Variants in STON2 observed in about 807,000 individuals in gnomAD.
The protein encoded by STON2 is stonin-2.
A neutral mutation model predicts 65.7 loss-of-function variants in STON2; 29 were observed. The observed-to-expected ratio is 0.44, with a 90% CI of 0.33 to 0.60. The LOEUF (loss-of-function observed/expected upper bound fraction) is 0.60, where lower values mean the gene tolerates loss of function less well. Among genes scored for constraint, STON2 ranks in the 20% least tolerant of loss-of-function variants. The probability of loss-of-function intolerance (pLI) is 0.03; values close to 1 mark genes in which losing one functional copy is unlikely to be tolerated. For missense variants in STON2, 1,054 were observed against 1,118.1 expected (o/e 0.94, Z 0.82); for synonymous variants, 404 against 414.2 (o/e 0.98, Z 0.30).
intron 5 of STON2, among the ~76,000 whole-genome samples, chr14:81,306,165 CTCTATA>C (rs61212486): frequency 0.021 from 3,052 of 144,916 alleles, 114 homozygotes; most frequent in African/African-American, 0.072. Flanking sequence ...CTCTCTCTCT[CTCTATA>C]TATATATATA....
At chr14:81,283,166 A>G (rs750054060) in intron 5 of STON2, among the ~76,000 whole-genome samples, 1 of 152,198 alleles carries the variant, frequency 6.6e-6, no homozygotes, top group Admixed American at 6.5e-5. Context: ...GATGCAAACT[A>G]AAGAGAAGTG....
At chr14:81,368,961 G>A (rs11844267) in intron 4 of STON2, among the ~76,000 whole-genome samples, 4,769 of 152,166 alleles carry the variant, frequency 0.031, 236 homozygotes, top group African/African-American at 0.1. Context: ...TATCTGCTCT[G>A]GCGACTGACC....
intron 4 of STON2, among the ~76,000 whole-genome samples, chr14:81,360,160 C>T (rs1470928914): frequency 2.6e-5 from 4 of 152,174 alleles, no homozygotes; most frequent in Admixed American, 2.0e-4. Flanking sequence ...AAAGACAAAA[C>T]ATTTCCAAAC....
chr14:81,306,636 AC>A (rs1018193206), intron 5 of STON2: 1 of 152,124 alleles, frequency 6.6e-6, no homozygotes, highest in African/African-American at 2.4e-5. Flanking sequence ...TTTCACCTTC[AC>A]GGATTTCAGT....
intron 3 of STON2, among the ~76,000 whole-genome samples, chr14:81,389,146 G>T (rs1211031267): frequency 1.3e-5 from 2 of 152,164 alleles, no homozygotes; most frequent in African/African-American, 4.8e-5. Flanking sequence ...GAGTAAAATG[G>T]GAAGAAATTA....
chr14:81,339,964 C>T (rs1049868140), intron 4 of STON2, among the ~76,000 whole-genome samples: 2 of 151,956 alleles, frequency 1.3e-5, no homozygotes, highest in South Asian at 2.1e-4. Flanking sequence ...ACCATCCTGG[C>T]TAACACGATG....
chr14:81,377,500 G>A (rs557131517), intron 3 of STON2, among the ~76,000 whole-genome samples: 11 of 152,256 alleles, frequency 7.2e-5, no homozygotes, highest in East Asian at 1.9e-4. Flanking sequence ...TTGTATGAAC[G>A]TAAGTTTCCA....
chr14:81,371,054 T>C lies in STON2; in HGVS notation c.505A>G (p.Thr169Ala), dbSNP rs780221217. 8.1e-6 allele frequency: 13 copies of C among 1,613,824 alleles called. No homozygotes were observed. The highest frequency in any genetic ancestry group is 1.1e-5 in the South Asian group (1 of 91,074). The change falls in exon 4 of 8, where the codon ACA (threonine) becomes GCA (alanine). Residue 169 changes from threonine to alanine, a missense_variant. By Grantham distance (58) the Thr-to-Ala change is moderately conservative. Transcript: ENST00000614646. ...TSSPSFGCSY[T>A]DLQLINAEEQ... ...TCAGCATTGATGAGCTGCAGATCTG[T>C]ATACGAACATCCAAAGCTAGGACTG...
chr14:81,370,120 T>C lies in STON2; in HGVS notation c.571+868A>G, dbSNP rs545052976. ...CAGATCGCTCTCTATACTTGTAGAA[T>C]TGAATGGCACATAGCATGAGGGCAA... On this transcript the variant is annotated intron_variant, in intron 4 of 7. Transcript: ENST00000614646. Among the ~76,000 whole-genome samples the C allele has an allele frequency of 1.1e-4, 16 of 152,202 alleles. 1 individual carries two copies. The highest frequency in any genetic ancestry group is 4.1e-4 in the South Asian group (2 of 4,828).
At chr14:81,422,863 C>T (rs961275518) in intron 2 of STON2, among the ~76,000 whole-genome samples, 10 of 152,006 alleles carry the variant, frequency 6.6e-5, no homozygotes, top group African/African-American at 9.7e-5. Flanking sequence ...GAAACCCCGT[C>T]TCTACTAAAG....
At chr14:81,431,563 G>GAGA (rs1043297802) in intron 1 of STON2, among the ~76,000 whole-genome samples, 66 of 152,226 alleles carry the variant, frequency 4.3e-4, no homozygotes, top group Admixed American at 3.9e-4. Flanking sequence ...CACATTACCT[G>GAGA]AGATCAGGAG....
chr14:81,292,092 C>T (rs1162086610), intron 5 of STON2, among the ~76,000 whole-genome samples: 4 of 152,194 alleles, frequency 2.6e-5, no homozygotes, highest in Non-Finnish European at 4.4e-5. Flanking sequence ...TGGTAACAGC[C>T]TATCTTAGGC....
rs1894184847 is a variant in STON2, at chr14:81,262,386, T to C, written c.*6028A>G. On this transcript the variant is annotated 3_prime_UTR_variant, in exon 8 of 8. Transcript: ENST00000614646. Reference sequence around the variant, plus strand: ...ACAGCACCTGACCAGAGTAGACATTTGATAAATATTTGTTGAGTTGAATTA... The same window carrying C: ...ACAGCACCTGACCAGAGTAGACATTCGATAAATATTTGTTGAGTTGAATTA... 2 of 985,266 alleles carry C rather than the reference T, an allele frequency of 2.0e-6. No homozygotes were observed. Among genetic ancestry groups the C allele is most frequent in the South Asian group, 9.4e-5 (2 of 21,288 alleles). 61.0% of individuals were successfully genotyped at this position (985,266 alleles called of 1,614,324 possible).
intron 5 of STON2, among the ~76,000 whole-genome samples, chr14:81,308,705 G>C (rs1896277557): frequency 6.7e-6 from 1 of 149,800 alleles, no homozygotes; most frequent in South Asian, 2.1e-4. Context: ...TGGTGCAAGG[G>C]AGAATAAAAG....
rs144532393 is a variant in STON2, at chr14:81,316,215, G to A, written c.742+7802C>T. On this transcript the variant is annotated intron_variant, in intron 5 of 7. Coordinates refer to ENST00000614646, the MANE Select transcript of STON2 (RefSeq NM_001394390.1). ...CCAAGCAACAGAAATGGCAGGTGAG[G>A]GCTCAGAAAACATGTAAAAGCAGCA... 4.0e-3 allele frequency among the ~76,000 whole-genome samples: 610 copies of A among 152,228 alleles called. 2 individuals are homozygous for A. Among genetic ancestry groups the A allele is most frequent in the African/African-American group, 0.014 (588 of 41,536 alleles).
At chr14:81,342,353 T>C (rs1309894622) in intron 4 of STON2, among the ~76,000 whole-genome samples, 4 of 152,176 alleles carry the variant, frequency 2.6e-5, no homozygotes, top group African/African-American at 7.2e-5. Flanking sequence ...CAGGCTGGTC[T>C]TGAGCTCCTG....
chr14:81,327,538 G>A (rs904872563), intron 4 of STON2, among the ~76,000 whole-genome samples: 22 of 152,086 alleles, frequency 1.4e-4, no homozygotes, highest in East Asian at 5.8e-4. Context: ...GGCAACTGGC[G>A]TTTGATAAGT....
At position 81,277,426 on chromosome 14, in the gene STON2, G is replaced by C; in HGVS notation, c.2056C>G (p.Gln686Glu). The change falls in exon 6 of 8, where the codon CAG becomes GAG. Residue 686 changes from glutamine (Q) to glutamate (E), a missense_variant. By Grantham distance (29) the Gln-to-Glu change is conservative. Transcript: ENST00000614646. Reference protein sequence around the residue: ...LVKGNEIVLRQDIMPTTTTKW... With the variant: ...LVKGNEIVLREDIMPTTTTKW... ...GTGGTGGTGGTGGGCATGATGTCCT[G>C]CCTCAAAACTATTTCATTCCCTTTG... 1 of 1,614,156 alleles carries C rather than the reference G, an allele frequency of 6.2e-7. No individual in the cohort carries two copies. The highest frequency in any genetic ancestry group is 2.2e-5 in the East Asian group (1 of 44,880).
At chr14:81,431,134 C>T (rs1232018212) in intron 1 of STON2, among the ~76,000 whole-genome samples, 1 of 152,146 alleles carries the variant, frequency 6.6e-6, no homozygotes, top group South Asian at 2.1e-4. Flanking sequence ...GGCTTCAGGC[C>T]TCCAGGACAG....
Sources: gnomAD v4.1 joint callset for allele counts (sites outside exome capture counted in the v4.1 genomes callset) on GRCh38, gnomAD v4.1.1 for gene constraint, MANE v1.5 for transcripts, NCBI Gene and HGNC (gene_info 2026-07-23, HGNC 2026-07-21) for gene names.